Variants in IQCM observed in about 807,000 individuals in gnomAD.
IQCM encodes the protein IQ domain-containing protein M.
A neutral mutation model predicts 57.6 loss-of-function variants in IQCM; 45 were observed. That is an observed-to-expected ratio of 0.78 (90% CI 0.62 to 1.00). The LOEUF is 1.00. IQCM is among the 50% of genes least tolerant of loss of function. The pLI is 0.00. For missense variants in IQCM, 468 were observed against 511.6 expected (o/e 0.91, Z 0.82); for synonymous variants, 148 against 158.9 (o/e 0.93, Z 0.51).
At chr4:149,682,847 A>G (rs184011851) in intron 6 of IQCM, among the ~76,000 whole-genome samples, 1 of 151,256 alleles carries the variant, frequency 6.6e-6, no homozygotes, top group Non-Finnish European at 1.5e-5. Flanking sequence ...GTTCAGCAGT[A>G]TACAGTTCAG....
At chr4:149,653,793 C>T (rs1446906791) in intron 7 of IQCM, among the ~76,000 whole-genome samples, 2 of 152,060 alleles carry the variant, frequency 1.3e-5, no homozygotes, top group African/African-American at 4.8e-5. Context: ...CCACAGCATG[C>T]TAAGCAATTT....
chr4:149,420,248 C>T (rs1350572330), intron 13 of IQCM, among the ~76,000 whole-genome samples: 1 of 151,974 alleles, frequency 6.6e-6, no homozygotes, highest in African/African-American at 2.4e-5. Flanking sequence ...AAACCAAATG[C>T]CCATCAATGA....
At chr4:149,757,690 C>T (rs1340591269) in intron 2 of IQCM, among the ~76,000 whole-genome samples, 1 of 151,938 alleles carries the variant, frequency 6.6e-6, no homozygotes, top group Non-Finnish European at 1.5e-5. Context: ...TTAGCACACA[C>T]AAATTAGAAA....
intron 12 of IQCM, among the ~76,000 whole-genome samples, chr4:149,493,877 G>C (rs1248844115): frequency 1.7e-5 from 1 of 60,570 alleles, no homozygotes; most frequent in African/African-American, 6.3e-5. Context: ...AAGGAATCTG[G>C]AAATGACAAA....
chr4:149,778,858 C>T (rs1771345952), intron 2 of IQCM, among the ~76,000 whole-genome samples: 1 of 152,230 alleles, frequency 6.6e-6, no homozygotes, highest in Non-Finnish European at 1.5e-5. Flanking sequence ...AATTTTAACA[C>T]TCTCGAAAAA....
intron 7 of IQCM, among the ~76,000 whole-genome samples, chr4:149,672,834 C>G (rs1761419877): frequency 6.6e-6 from 1 of 152,018 alleles, no homozygotes; most frequent in Non-Finnish European, 1.5e-5. Context: ...TTCAGATTCA[C>G]CAAAGTTGAA....
chr4:149,573,731 T>G (rs898074455), intron 9 of IQCM, among the ~76,000 whole-genome samples: 10 of 149,612 alleles, frequency 6.7e-5, no homozygotes, highest in African/African-American at 2.5e-4. Flanking sequence ...AGCCCAGGAG[T>G]GAGAAACTAA....
At chr4:149,418,038 C>T (rs77639892) in intron 13 of IQCM, among the ~76,000 whole-genome samples, 3 of 151,372 alleles carry the variant, frequency 2.0e-5, no homozygotes, top group East Asian at 3.9e-4. Flanking sequence ...GACACCCTAA[C>T]ATCACAACTG....
At chr4:149,685,749 G>C (rs765721473) in intron 6 of IQCM, among the ~76,000 whole-genome samples, 13 of 151,516 alleles carry the variant, frequency 8.6e-5, no homozygotes, top group South Asian at 2.1e-4. Flanking sequence ...AAGTATAAAT[G>C]TTCTTACCAA....
At chr4:149,493,547 C>G (rs1035052673) in intron 12 of IQCM, among the ~76,000 whole-genome samples, 1 of 152,056 alleles carries the variant, frequency 6.6e-6, no homozygotes. Flanking sequence ...GAAATTGCCT[C>G]TAACTATGTG....
At chr4:149,694,816 A>C (rs1378498030) in intron 5 of IQCM, among the ~76,000 whole-genome samples, 1 of 152,174 alleles carries the variant, frequency 6.6e-6, no homozygotes, top group Non-Finnish European at 1.5e-5. Context: ...CACAAAACTT[A>C]CTACTGTGAA....
At chr4:149,493,093 G>C (rs990701458) in intron 12 of IQCM, among the ~76,000 whole-genome samples, 2 of 152,088 alleles carry the variant, frequency 1.3e-5, no homozygotes, top group African/African-American at 4.8e-5. Flanking sequence ...TCCTGGGGAA[G>C]TTGGTTAACC....
rs537615717 is a variant in IQCM, at chr4:149,366,288, A to G, written c.1391-14222T>C. 2.0e-5 allele frequency among the ~76,000 whole-genome samples: 3 copies of G among 152,178 alleles called. No homozygotes were observed. The East Asian group carries it at 5.8e-4, about 29-fold the overall frequency. On this transcript the variant is annotated intron_variant, in intron 13 of 13. Coordinates refer to ENST00000636793, the MANE Select transcript of IQCM (RefSeq NM_001363507.2). ...AGACTGGCTTGTGAAAACCTAGGGTACAGTTTTCAACAAATTTTAGAAACA... is the reference window on the plus strand; with the variant it reads ...AGACTGGCTTGTGAAAACCTAGGGTGCAGTTTTCAACAAATTTTAGAAACA...
At chr4:149,413,800 C>T (rs887960160) in intron 13 of IQCM, among the ~76,000 whole-genome samples, 23 of 152,100 alleles carry the variant, frequency 1.5e-4, no homozygotes, top group African/African-American at 4.3e-4. Context: ...GACTATTAAA[C>T]ATTAAATTCT....
chr4:149,362,647 G>A (rs972809628), intron 13 of IQCM, among the ~76,000 whole-genome samples: 8 of 152,112 alleles, frequency 5.3e-5, no homozygotes, highest in Non-Finnish European at 1.5e-5. Flanking sequence ...ATGTGGAACT[G>A]TAAGTCCAAT....
chr4:149,589,601 G>A (rs555121525), intron 8 of IQCM, among the ~76,000 whole-genome samples: 1 of 152,050 alleles, frequency 6.6e-6, no homozygotes, highest in African/African-American at 2.4e-5. Context: ...ACTAGTAAGT[G>A]TTAATTTCAT....
intron 8 of IQCM, among the ~76,000 whole-genome samples, chr4:149,616,658 G>GA (rs1428737383): frequency 6.6e-6 from 1 of 151,862 alleles, no homozygotes; most frequent in African/African-American, 2.4e-5. Flanking sequence ...TATTTAAAAT[G>GA]AAAAAAGTCT....
At chr4:149,416,525 G>A (rs112421402) in intron 13 of IQCM, among the ~76,000 whole-genome samples, 6 of 152,062 alleles carry the variant, frequency 3.9e-5, no homozygotes, top group African/African-American at 1.4e-4. Context: ...AGTGATGCCT[G>A]GGCCCCACCC....
chr4:149,362,148 G>A (rs1396884771), intron 13 of IQCM, among the ~76,000 whole-genome samples: 4 of 152,064 alleles, frequency 2.6e-5, no homozygotes, highest in Admixed American at 6.6e-5. Flanking sequence ...CTCCCATATG[G>A]GATGGTTGTA....
Sources: gnomAD v4.1 joint callset for allele counts (sites outside exome capture counted in the v4.1 genomes callset) on GRCh38, gnomAD v4.1.1 for gene constraint, MANE v1.5 for transcripts, NCBI Gene and HGNC (gene_info 2026-07-23, HGNC 2026-07-21) for gene names.